Variants in MAD1L1 observed in about 807,000 individuals in gnomAD.
MAD1L1 encodes the protein mitotic spindle assembly checkpoint protein MAD1.
A neutral mutation model predicts 96.9 loss-of-function variants in MAD1L1; 95 were observed. That is an observed-to-expected ratio of 0.98 (90% CI 0.83 to 1.16). The LOEUF is 1.16. Among genes scored for constraint, MAD1L1 ranks in the 50% most tolerant of loss-of-function variants. MAD1L1 has a pLI of 0.00. For missense variants in MAD1L1, 1,007 were observed against 954.4 expected (o/e 1.06, Z -0.73); for synonymous variants, 473 against 396.6 (o/e 1.19, Z -2.29).
chr7:1,889,376 T>C (rs1786394746), intron 18 of MAD1L1, among the ~76,000 whole-genome samples: 2 of 152,174 alleles, frequency 1.3e-5, no homozygotes, highest in African/African-American at 2.4e-5. Context: ...AAAGGTGGCA[T>C]CCTCACGGGC....
chr7:2,180,428 A>G (rs1791148671), intron 10 of MAD1L1, among the ~76,000 whole-genome samples: 1 of 152,216 alleles, frequency 6.6e-6, no homozygotes, highest in Admixed American at 6.5e-5. Flanking sequence ...CATCTAGCCT[A>G]AAGCATGCCG....
intron 11 of MAD1L1, among the ~76,000 whole-genome samples, chr7:2,118,918 C>T (rs952534468): frequency 1.3e-5 from 2 of 152,190 alleles, no homozygotes; most frequent in African/African-American, 4.8e-5. Flanking sequence ...TTGTGCCTCC[C>T]GTCTCTCTCC....
chr7:2,058,740 G>A (rs1279207455), intron 12 of MAD1L1, among the ~76,000 whole-genome samples: 1 of 117,686 alleles, frequency 8.5e-6, no homozygotes, highest in Non-Finnish European at 1.8e-5. Flanking sequence ...GAGAGGGAGT[G>A]TGGCTAGAGG....
At chr7:1,881,248 A>G (rs1785662905) in intron 18 of MAD1L1, among the ~76,000 whole-genome samples, 1 of 152,200 alleles carries the variant, frequency 6.6e-6, no homozygotes, top group Non-Finnish European at 1.5e-5. Flanking sequence ...ACGCATTTGA[A>G]TTAACCCATT....
chr7:1,827,417 C>T (rs1782455713), intron 18 of MAD1L1, among the ~76,000 whole-genome samples: 1 of 138,202 alleles, frequency 7.2e-6, no homozygotes, highest in Non-Finnish European at 1.6e-5. Flanking sequence ...GTGGGGTCCT[C>T]CCCTCCTGAG....
At chr7:2,205,506 G>C (rs1255717722) in intron 10 of MAD1L1, among the ~76,000 whole-genome samples, 1 of 152,122 alleles carries the variant, frequency 6.6e-6, no homozygotes, top group Non-Finnish European at 1.5e-5. Flanking sequence ...AGACAGTCCT[G>C]ACACCCCTAT....
intron 17 of MAD1L1, among the ~76,000 whole-genome samples, chr7:1,934,668 C>T (rs1300011657): frequency 6.9e-6 from 1 of 145,716 alleles, no homozygotes; most frequent in African/African-American, 2.6e-5. Flanking sequence ...AACAGGGGAA[C>T]GAACAGATGG....
At chr7:2,168,627 A>G (rs949716498) in intron 10 of MAD1L1, among the ~76,000 whole-genome samples, 1 of 152,236 alleles carries the variant, frequency 6.6e-6, no homozygotes, top group Non-Finnish European at 1.5e-5. Context: ...TTCAGCAAAC[A>G]AAAATCGCCT....
intron 11 of MAD1L1, among the ~76,000 whole-genome samples, chr7:2,117,818 C>A (rs115596450): frequency 1.1e-3 from 164 of 152,230 alleles, no homozygotes; most frequent in African/African-American, 3.8e-3. Flanking sequence ...AGAAGCCCTG[C>A]CAGGGAGAGG....
At chr7:2,115,694 G>T (rs1472859251) in intron 11 of MAD1L1, among the ~76,000 whole-genome samples, 1 of 152,250 alleles carries the variant, frequency 6.6e-6, no homozygotes, top group East Asian at 1.9e-4. Context: ...CATGGTTCCC[G>T]CATGGCCACA....
chr7:2,229,351 C>A (rs1359765966), intron 3 of MAD1L1, among the ~76,000 whole-genome samples: 1 of 152,248 alleles, frequency 6.6e-6, no homozygotes, highest in East Asian at 1.9e-4. Flanking sequence ...GCAGCCCCAA[C>A]TGGGACTGGG....
Position 1,922,405 on chromosome 7 carries a change from C to T in MAD1L1, c.1807+14282G>A, listed in dbSNP as rs556091344. 5.3e-5 allele frequency among the ~76,000 whole-genome samples: 8 copies of T among 152,334 alleles called. No individual in the cohort carries two copies. In the South Asian group the frequency reaches 1.7e-3, roughly 32 times the overall value. ...AACAGAAACGGCATGTTTTTAATTT[C>T]GGTTTCCACATGTGCACTGCTATTG... On this transcript the variant is annotated intron_variant, in intron 17 of 18. Coordinates refer to ENST00000265854, the MANE Select transcript of MAD1L1 (RefSeq NM_001013836.2).
chr7:1,852,860 A>G (rs991441188), intron 18 of MAD1L1, among the ~76,000 whole-genome samples: 1 of 151,920 alleles, frequency 6.6e-6, no homozygotes, highest in Non-Finnish European at 1.5e-5. Context: ...TGAGAGCCGC[A>G]CGTGCTGAGC....
intron 12 of MAD1L1, among the ~76,000 whole-genome samples, chr7:2,065,085 G>C (rs1002359521): frequency 5.9e-5 from 9 of 152,254 alleles, no homozygotes; most frequent in African/African-American, 1.9e-4. Flanking sequence ...GGAGGACAGA[G>C]GCTTCTTCTA....
chr7:1,984,749 A>C (rs983307049), intron 14 of MAD1L1, among the ~76,000 whole-genome samples: 3 of 152,230 alleles, frequency 2.0e-5, no homozygotes, highest in Admixed American at 1.3e-4. Flanking sequence ...TCCAATCAGG[A>C]AGTCCTTTCC....
chr7:1,900,276 A>G (rs1284912425), intron 17 of MAD1L1, among the ~76,000 whole-genome samples: 2 of 152,266 alleles, frequency 1.3e-5, no homozygotes, highest in Non-Finnish European at 2.9e-5. Flanking sequence ...TGGAAGGAGC[A>G]GCGGTGCAGG....
chr7:1,888,314 ATG>A (rs142592855), intron 18 of MAD1L1, among the ~76,000 whole-genome samples: 11 of 82,542 alleles, frequency 1.3e-4, no homozygotes, highest in East Asian at 4.6e-4. Flanking sequence ...GTGACTGCCT[ATG>A]TGTGTGTGTG....
intron 11 of MAD1L1, among the ~76,000 whole-genome samples, chr7:2,073,460 C>G (rs1785230894): frequency 1.3e-5 from 2 of 152,158 alleles, no homozygotes; most frequent in South Asian, 4.1e-4. Context: ...TCCTCTTGCC[C>G]CTACCCTTAG....
intron 4 of MAD1L1, among the ~76,000 whole-genome samples, chr7:2,223,915 G>A (rs553523824): frequency 6.6e-5 from 10 of 152,170 alleles, no homozygotes; most frequent in East Asian, 1.9e-4. Context: ...CTGTTCCTGG[G>A]GTCCCATGCA....
Sources: allele counts gnomAD v4.1 joint callset (sites outside exome capture counted in the v4.1 genomes callset), GRCh38; gene constraint gnomAD v4.1.1; transcripts MANE v1.5; gene names NCBI Gene and HGNC (gene_info 2026-07-23, HGNC 2026-07-21).